The following SHISA8 variants were observed in gnomAD, a reference collection of about 807,000 sequenced individuals.
SHISA8 encodes shisa family member 8.
Under a neutral mutation model 21.1 loss-of-function variants are expected in SHISA8, and 21 were observed. The ratio of observed to expected loss-of-function variants is 0.99; its 90% CI spans 0.71 to 1.43. The LOEUF is 1.43. SHISA8 is among the 40% of genes most tolerant of loss of function. SHISA8 has a pLI of 0.00. For missense variants in SHISA8, 535 were observed against 599.1 expected, an observed-to-expected ratio of 0.89 and a Z score of 1.12; for synonymous variants, 300 against 291.4, an observed-to-expected ratio of 1.03 and a Z score of -0.30.
chr22:41,909,679 C>G lies in SHISA8; in HGVS notation c.*86G>C. ...GAGGCAGACAGAAGAGCTGGCCTTACGGCAGGCGCTCCTCTCCCTGTGGCC... is the reference window on the plus strand; with the variant it reads ...GAGGCAGACAGAAGAGCTGGCCTTAGGGCAGGCGCTCCTCTCCCTGTGGCC... On this transcript the variant is annotated 3_prime_UTR_variant, in exon 4 of 4. Transcript: ENST00000621082. 1 of 1,324,000 alleles carries G rather than the reference C, an allele frequency of 7.6e-7. No homozygotes were observed. The highest frequency in any genetic ancestry group is 9.6e-7 in the Non-Finnish European group (1 of 1,038,924). 82.0% of individuals were successfully genotyped at this position (1,324,000 alleles called of 1,614,324 possible).
chr22:41,909,598 G>T lies in SHISA8; in HGVS notation c.*167C>A. The T allele has an allele frequency of 1.1e-6, 1 of 883,404 alleles. No homozygotes were observed. 54.7% of individuals were successfully genotyped at this position (883,404 alleles called of 1,614,324 possible). The stretch of plus-strand genomic sequence containing the variant: ...TCTCAGGGGCAGGAACCACATAAAA[G>T]GGCTTATTTACAAGACGAACCCGCG... On this transcript the variant is annotated 3_prime_UTR_variant, in exon 4 of 4. Transcript: ENST00000621082.
In SHISA8 at chr22:41,910,086, G is replaced by A. The variant is rs1003143698; in HGVS notation, c.873C>T (p.Pro291=). 2.1e-5 allele frequency: 26 copies of A among 1,239,806 alleles called. No homozygotes were observed. The Middle Eastern group carries it at 1.9e-3, about 88-fold the overall frequency. 76.8% of individuals were successfully genotyped at this position (1,239,806 alleles called of 1,614,324 possible). The change falls in exon 4 of 4, where the codon CCC becomes CCT. Residue 291 remains proline (P), a synonymous_variant. Coordinates refer to ENST00000621082, the MANE Select transcript of SHISA8 (RefSeq NM_001207020.3). The surrounding 1 kb of genome is among the most constrained non-coding windows in gnomAD (Gnocchi z 6.8). ...GGGATGGTCGCGGAGCCCGCGCCGGGGGTTGCCGCGGGGACGGCTCGAGGG... is the reference window on the plus strand; with the variant it reads ...GGGATGGTCGCGGAGCCCGCGCCGGAGGTTGCCGCGGGGACGGCTCGAGGG... The part of the protein sequence containing the change: ...FPALEPSPRQ[P]PARAPRPSPD...
Position 41,910,194 on chromosome 22 carries a change from G to C in SHISA8, c.812-47C>G. 4 of 1,230,472 alleles carry C rather than the reference G, an allele frequency of 3.3e-6. No homozygotes were observed. The highest frequency in any genetic ancestry group is 4.0e-6 in the Non-Finnish European group (4 of 987,768). 76.2% of individuals were successfully genotyped at this position (1,230,472 alleles called of 1,614,324 possible). A position where few individuals can be genotyped will look rare whatever the true frequency, so the allele number is the denominator to read the frequency against. ...GAGTGACGCCGCGCCGAGCACCCAAGCTCAGGACTGGACAAGGGGTCCCGG... is the reference window on the plus strand; with the variant it reads ...GAGTGACGCCGCGCCGAGCACCCAACCTCAGGACTGGACAAGGGGTCCCGG... On this transcript the variant is annotated intron_variant, in intron 3 of 3. Coordinates refer to ENST00000621082, the MANE Select transcript of SHISA8 (RefSeq NM_001207020.3). The surrounding 1 kb of genome is among the most constrained non-coding windows in gnomAD (Gnocchi z 6.8).
Position 41,909,738 on chromosome 22 carries a change from A to G in SHISA8, c.*27T>C, listed in dbSNP as rs567053968. On this transcript the variant is annotated 3_prime_UTR_variant, in exon 4 of 4. Transcript: ENST00000621082. ...CGACGGGCAGACAGGACCCCAGCCC[A>G]TGCCTCGAGGGCACCGCGGCCCCGC... The G allele has an allele frequency of 1.4e-6, 2 of 1,409,874 alleles. No homozygotes were observed. Among genetic ancestry groups the G allele is most frequent in the African/African-American group, 3.0e-5 (2 of 67,516 alleles). The allele number at this position is 1,409,874 out of a possible 1,614,324, so 87.3% of individuals were successfully genotyped here.
Position 41,909,879 on chromosome 22 carries a change from C to G in SHISA8, c.1080G>C (p.Gln360His). The G allele has an allele frequency of 6.5e-7, 1 of 1,529,926 alleles. No individual in the cohort carries two copies. 94.8% of individuals were successfully genotyped at this position (1,529,926 alleles called of 1,614,324 possible). A position where few individuals can be genotyped will look rare whatever the true frequency, so the allele number is the denominator to read the frequency against. Reference protein sequence around the residue: ...PRRPGHAARRQFSVKMPETFN... With the variant: ...PRRPGHAARRHFSVKMPETFN... ...AGGTCTCAGGCATCTTCACACTGAA[C>G]TGGCGCCGGGCCGCGTGCCCGGGTC... The change falls in exon 4 of 4, where the codon CAG (glutamine) becomes CAC (histidine). Residue 360 changes from glutamine to histidine, a missense_variant. Gln to His is a conservative substitution (Grantham distance 24, BLOSUM62 0). Coordinates refer to ENST00000621082, the MANE Select transcript of SHISA8 (RefSeq NM_001207020.3).
chr22:41,914,209 C>A lies in SHISA8; in HGVS notation c.459G>T (p.Val153=). Reference sequence around the variant, plus strand: ...CCAGGCGCGCCCCGATGCCGGCCAGCACCAGCAGCGCTGCGACGCCGCACA... The same window carrying A: ...CCAGGCGCGCCCCGATGCCGGCCAGAACCAGCAGCGCTGCGACGCCGCACA... ...YAVCGVAALL[V]LAGIGARLGL... The change falls in exon 1 of 4, where the codon GTG becomes GTT. Residue 153 remains valine, a synonymous_variant. Coordinates refer to ENST00000621082, the MANE Select transcript of SHISA8 (RefSeq NM_001207020.3). This position sits in a 1 kb window ranked among gnomAD's most constrained non-coding sequence, Gnocchi z 6.8. The A allele has an allele frequency of 6.8e-7, 1 of 1,461,084 alleles. No individual in the cohort carries two copies. The highest frequency in any genetic ancestry group is 9.0e-7 in the Non-Finnish European group (1 of 1,115,846). 90.5% of individuals were successfully genotyped at this position (1,461,084 alleles called of 1,614,324 possible).
chr22:41,914,495 T>C lies in SHISA8; in HGVS notation c.173A>G (p.Asp58Gly). The C allele has an allele frequency of 7.8e-7, 1 of 1,286,106 alleles. No individual in the cohort carries two copies. The highest frequency in any genetic ancestry group is 9.9e-7 in the Non-Finnish European group (1 of 1,014,648). 79.7% of individuals were successfully genotyped at this position (1,286,106 alleles called of 1,614,324 possible). ...CACGTCGTAGTAGCCGCGGCAGCGG[T>C]CGCCCCCCTCCGGGGCTGTCGTGCC... Reference protein sequence around the residue: ...APGTTAPEGGDRCRGYYDVMG... With the variant: ...APGTTAPEGGGRCRGYYDVMG... The change falls in exon 1 of 4, where the codon GAC (aspartate) becomes GGC (glycine). Residue 58 changes from aspartate to glycine, a missense_variant. Coordinates refer to ENST00000621082, the MANE Select transcript of SHISA8 (RefSeq NM_001207020.3). The surrounding 1 kb of genome is among the most constrained non-coding windows in gnomAD (Gnocchi z 6.8).
rs5758505 is a variant in SHISA8, at chr22:41,912,912, C to G, written c.530+1226G>C. On this transcript the variant is annotated intron_variant, in intron 1 of 3. Transcript: ENST00000621082. ...GGCTGCTGCAGCCACCCCTCACCAT[C>G]GCAGCCCTAAGTTCCTTTTTCCCCG... 7.6e-3 allele frequency among the ~76,000 whole-genome samples: 1,165 copies of G among 152,330 alleles called. 7 individuals are homozygous for G. The highest frequency in any genetic ancestry group is 0.012 in the Non-Finnish European group (820 of 68,026).
rs1489572623 is a variant in SHISA8, at chr22:41,910,277, G to T, written c.812-130C>A. 8.1e-7 allele frequency: 1 copy of T among 1,228,020 alleles called. No homozygotes were observed. Among genetic ancestry groups the T allele is most frequent in the Non-Finnish European group, 1.0e-6 (1 of 983,726 alleles). 76.1% of individuals were successfully genotyped at this position (1,228,020 alleles called of 1,614,324 possible). Reference sequence around the variant, plus strand: ...GGCCGGGGGCGGGGCCCGCTGGGGCGAGGGAGCCGATTGGCCGAGCGGCGG... The same window carrying T: ...GGCCGGGGGCGGGGCCCGCTGGGGCTAGGGAGCCGATTGGCCGAGCGGCGG... On this transcript the variant is annotated intron_variant, in intron 3 of 3. Coordinates refer to ENST00000621082, the MANE Select transcript of SHISA8 (RefSeq NM_001207020.3). The surrounding 1 kb of genome is among the most constrained non-coding windows in gnomAD (Gnocchi z 6.8).
chr22:41,914,256 T>A lies in SHISA8; in HGVS notation c.412A>T (p.Ser138Cys). 7.6e-7 allele frequency: 1 copy of A among 1,320,088 alleles called. No homozygotes were observed. Among genetic ancestry groups the A allele is most frequent in the South Asian group, 2.1e-5 (1 of 47,356 alleles). 81.8% of individuals were successfully genotyped at this position (1,320,088 alleles called of 1,614,324 possible). ...AAPRDPGRER[S>C]HTAVYAVCGV... ...CACACAGCGTAGACGGCCGTATGGC[T>A]GCGCTCGCGGCCGGGGTCCCGGGGC... The change falls in exon 1 of 4, where the codon AGC becomes TGC. Residue 138 changes from serine to cysteine, a missense_variant. Coordinates refer to ENST00000621082, the MANE Select transcript of SHISA8 (RefSeq NM_001207020.3). This position sits in a 1 kb window ranked among gnomAD's most constrained non-coding sequence, Gnocchi z 6.8.
rs2077542105 is a variant in SHISA8 at position 41,910,429 on chromosome 22, C to G, written c.790G>C (p.Ala264Pro). Residue 264 changes from alanine (A) to proline (P), a missense_variant, in exon 3 of 4, where the codon GCC (alanine) becomes CCC (proline). Coordinates refer to ENST00000621082, the MANE Select transcript of SHISA8 (RefSeq NM_001207020.3). This position sits in a 1 kb window ranked among gnomAD's most constrained non-coding sequence, Gnocchi z 6.8. ...PDYAKYATFK[A>P]AALKAAEAAP... Reference sequence around the variant, plus strand: ...TCACCTGCGGCCTTGAGCGCGGCGGCCTTGAACGTGGCGTACTTGGCGTAG... The same window carrying G: ...TCACCTGCGGCCTTGAGCGCGGCGGGCTTGAACGTGGCGTACTTGGCGTAG... 6 of 1,361,336 alleles carry G rather than the reference C, an allele frequency of 4.4e-6. No individual in the cohort carries two copies. Among genetic ancestry groups the G allele is most frequent in the Non-Finnish European group, 5.7e-6 (6 of 1,057,494 alleles). The allele number at this position is 1,361,336 out of a possible 1,614,324, so 84.3% of individuals were successfully genotyped here.
chr22:41,914,750 G>T lies in SHISA8; in HGVS notation c.-83C>A, dbSNP rs1226509940. 1 of 946,368 alleles carries T rather than the reference G, an allele frequency of 1.1e-6. No homozygotes were observed. The highest frequency in any genetic ancestry group is 1.3e-6 in the Non-Finnish European group (1 of 792,014). The allele number at this position is 946,368 out of a possible 1,614,324, so 58.6% of individuals were successfully genotyped here. On this transcript the variant is annotated 5_prime_UTR_variant, in exon 1 of 4. Transcript: ENST00000621082. This position sits in a 1 kb window ranked among gnomAD's most constrained non-coding sequence, Gnocchi z 6.8. The stretch of plus-strand genomic sequence containing the variant: ...CGGCTCGGCTCCTCCGCTCCCGCAG[G>T]GATCGCGCTGGCTCCCGGCGCACGC...
intron 1 of SHISA8, among the ~76,000 whole-genome samples, chr22:41,913,615 T>G: frequency 1.3e-5 from 2 of 150,450 alleles, no homozygotes; most frequent in Non-Finnish European, 3.0e-5. Flanking sequence ...TGGCATGGGG[T>G]GAGTGGGGGG....
At position 41,910,819 on chromosome 22, in the gene SHISA8, C is replaced by A. The variant is rs1001609840; in HGVS notation, c.665-265G>T. 6.6e-6 allele frequency among the ~76,000 whole-genome samples: 1 copy of A among 152,124 alleles called. No homozygotes were observed. Among genetic ancestry groups the A allele is most frequent in the African/African-American group, 2.4e-5 (1 of 41,446 alleles). On this transcript the variant is annotated intron_variant, in intron 2 of 3. Transcript: ENST00000621082. The surrounding 1 kb of genome is among the most constrained non-coding windows in gnomAD (Gnocchi z 6.8). ...GGCTCGCCCGGAGGCGACGCTCGAG[C>A]CAGGCGCGGAGTCCTGGGACCTGCT...
At chr22:41,913,619 T>G in intron 1 of SHISA8, among the ~76,000 whole-genome samples, 2 of 148,494 alleles carry the variant, frequency 1.3e-5, no homozygotes, top group African/African-American at 5.0e-5. Flanking sequence ...ATGGGGTGAG[T>G]GGGGGGAGGC....
rs1382818336 is a variant in SHISA8 at position 41,909,793 on chromosome 22, G to A, written c.1166C>T (p.Thr389Ile). The change falls in exon 4 of 4, where the codon ACC (threonine) becomes ATC (isoleucine). Residue 389 changes from threonine (T) to isoleucine (I), a missense_variant. Physicochemically the swap from Thr to Ile is moderately conservative, Grantham distance 89. Coordinates refer to ENST00000621082, the MANE Select transcript of SHISA8 (RefSeq NM_001207020.3). ...SAGRGSRYLR[T>I]NSKTEVTV ...CACGGTGACCTCGGTCTTGCTATTG[G>A]TCCTTAGGTACCGGGACCCGCGGCC... 2 of 1,501,394 alleles carry A rather than the reference G, an allele frequency of 1.3e-6. No individual in the cohort carries two copies. Among genetic ancestry groups the A allele is most frequent in the South Asian group, 1.3e-5 (1 of 79,862 alleles). The allele number at this position is 1,501,394 out of a possible 1,614,324, so 93.0% of individuals were successfully genotyped here.
Position 41,910,575 on chromosome 22 carries a change from C to A in SHISA8, c.665-21G>T. The A allele has an allele frequency of 8.2e-7, 1 of 1,220,874 alleles. No individual in the cohort carries two copies. The highest frequency in any genetic ancestry group is 3.3e-5 in the East Asian group (1 of 30,498). The allele number at this position is 1,220,874 out of a possible 1,614,324, so 75.6% of individuals were successfully genotyped here. On this transcript the variant is annotated intron_variant, in intron 2 of 3. Coordinates refer to ENST00000621082, the MANE Select transcript of SHISA8 (RefSeq NM_001207020.3). This position sits in a 1 kb window ranked among gnomAD's most constrained non-coding sequence, Gnocchi z 6.8. ...CTTGTCTGGAGCGAGGAGTGAGACG[C>A]GGCTCGGTCCGATGCCCCGGTTCAC... is the stretch of plus-strand genomic sequence containing the variant.
At position 41,914,382 on chromosome 22, in the gene SHISA8, C is replaced by T; in HGVS notation, c.286G>A (p.Asp96Asn). ...CTCTGGTCGAGGCGCCGCGGCCCGT[C>T]GTGGCAGCAGAAGCGGTAGCCGCAC... is the stretch of plus-strand genomic sequence containing the variant. ...GTCGYRFCCH[D>N]GPRRLDQSRC... Residue 96 changes from aspartate (D) to asparagine (N), a missense_variant, in exon 1 of 4, where the codon GAC (aspartate) becomes AAC (asparagine). Transcript: ENST00000621082. The surrounding 1 kb of genome is among the most constrained non-coding windows in gnomAD (Gnocchi z 6.8). The T allele has an allele frequency of 7.7e-7, 1 of 1,306,704 alleles. No individual in the cohort carries two copies. Among genetic ancestry groups the T allele is most frequent in the Non-Finnish European group, 9.7e-7 (1 of 1,026,740 alleles). 80.9% of individuals were successfully genotyped at this position (1,306,704 alleles called of 1,614,324 possible). A position where few individuals can be genotyped will look rare whatever the true frequency, so the allele number is the denominator to read the frequency against.
intron 1 of SHISA8, among the ~76,000 whole-genome samples, chr22:41,913,263 T>A (rs1367775422): frequency 6.6e-6 from 1 of 152,240 alleles, no homozygotes; most frequent in African/African-American, 2.4e-5. Context: ...GGCTTCTCTA[T>A]GGTCACTTTT....
Sources: gnomAD v4.1 joint callset for allele counts (sites outside exome capture counted in the v4.1 genomes callset) on GRCh38, gnomAD v4.1.1 for gene constraint, Gnocchi (gnomAD v3.1) non-coding constraint, MANE v1.5 for transcripts, NCBI Gene and HGNC (gene_info 2026-07-23, HGNC 2026-07-21) for gene names.